ESRRG: variants seen among roughly 807,000 people sequenced by gnomAD.
ESRRG encodes the protein estrogen-related receptor gamma.
Under a neutral mutation model 44.0 loss-of-function variants are expected in ESRRG, and 13 were observed. The observed-to-expected ratio is 0.30, with a 90% CI of 0.19 to 0.47. ESRRG has a LOEUF of 0.47. ESRRG is among the 20% of genes least tolerant of loss of function. ESRRG has a pLI of 1.00. For missense variants in ESRRG, 395 were observed against 580.6 expected (o/e 0.68, Z 3.29); for synonymous variants, 215 against 214.6 (o/e 1.00, Z -0.02).
chr1:216,767,399 T>C (rs1173720868), intron 2 of ESRRG, among the ~76,000 whole-genome samples: 1 of 152,122 alleles, frequency 6.6e-6, no homozygotes, highest in Admixed American at 6.6e-5. Context: ...CATCTAGATA[T>C]GTTAACTGCA....
At chr1:216,846,936 A>C (rs1024787892) in intron 2 of ESRRG, among the ~76,000 whole-genome samples, 2 of 152,110 alleles carry the variant, frequency 1.3e-5, no homozygotes, top group Non-Finnish European at 2.9e-5. Context: ...AGTTTCCAGG[A>C]GTACTGCAAC....
In ESRRG at chr1:216,519,173, C is replaced by A; in HGVS notation, c.1111G>T (p.Ala371Ser). 6.2e-7 allele frequency: 1 copy of A among 1,613,704 alleles called. No individual in the cohort carries two copies. Among genetic ancestry groups the A allele is most frequent in the Non-Finnish European group, 8.5e-7 (1 of 1,179,790 alleles). Residue 371 changes from alanine to serine, a missense_variant, in exon 6 of 7, where the codon GCT becomes TCT. Ala to Ser is a moderately conservative substitution (Grantham distance 99). Coordinates refer to ENST00000408911, the MANE Select transcript of ESRRG (RefSeq NM_001438.4). The part of the protein sequence containing the change: ...LEKEEFVTLK[A>S]IALANSDSMH... Reference sequence around the variant, plus strand: ...CAACCTGAATTAGCAAGAGCTATAGCTTTGAGGGTGACAAATTCTTCTTTT... The same window carrying A: ...CAACCTGAATTAGCAAGAGCTATAGATTTGAGGGTGACAAATTCTTCTTTT...
intron 2 of ESRRG, among the ~76,000 whole-genome samples, chr1:216,653,684 C>T (rs11117644): frequency 0.41 from 63,061 of 151,972 alleles, 14,342 homozygotes; most frequent in Middle Eastern, 0.53. Flanking sequence ...CAGCAGAAAA[C>T]GATTTCTTGG....
chr1:216,756,990 GCCAGTATACAAGT>G (rs940384795), intron 2 of ESRRG, among the ~76,000 whole-genome samples: 2 of 151,934 alleles, frequency 1.3e-5, no homozygotes, highest in African/African-American at 4.8e-5. Context: ...GGTGGGAGAT[GCCAGTATACAAGT>G]CCTTCTAAAC....
rs1300512010 is a variant in ESRRG, at chr1:216,808,140, G to GT, written c.-13-130650dup. Among the ~76,000 whole-genome samples, 10 of 152,206 alleles carry GT rather than the reference G, an allele frequency of 6.6e-5. No individual in the cohort carries two copies. The South Asian group carries it at 2.1e-3, about 32-fold the overall frequency. On this transcript the variant is annotated intron_variant, in intron 2 of 7. Coordinates refer to the ESRRG transcript ENST00000359162. The stretch of plus-strand genomic sequence containing the variant: ...GAATTGAGACTCCTTTCAGGGAGGG[G>GT]TCTCTTTGATGGAATTTGGAGAAAC...
intron 5 of ESRRG, among the ~76,000 whole-genome samples, chr1:216,561,661 C>G (rs577347287): frequency 2.2e-3 from 342 of 152,202 alleles, no homozygotes; most frequent in Non-Finnish European, 4.0e-3. Context: ...TCAGAACACC[C>G]TCTCCTTCTA....
chr1:216,925,849 C>T (rs966053269), intron 2 of ESRRG, among the ~76,000 whole-genome samples: 2 of 151,968 alleles, frequency 1.3e-5, no homozygotes, highest in African/African-American at 4.8e-5. Flanking sequence ...ACTTGGGAGG[C>T]TGAGGCAGGA....
chr1:216,938,239 C>T (rs2064498914), intron 2 of ESRRG, among the ~76,000 whole-genome samples: 1 of 152,144 alleles, frequency 6.6e-6, no homozygotes, highest in African/African-American at 2.4e-5. Context: ...CAAATCATTG[C>T]CCCTTCCTGC....
intron 1 of ESRRG, among the ~76,000 whole-genome samples, chr1:216,963,667 A>C (rs1338325681): frequency 2.6e-5 from 4 of 152,220 alleles, no homozygotes; most frequent in Non-Finnish European, 4.4e-5. Flanking sequence ...TAAGCCACGC[A>C]GTGGTGTCCT....
chr1:216,512,881 T>C (rs1261904024), intron 6 of ESRRG, among the ~76,000 whole-genome samples: 1 of 152,114 alleles, frequency 6.6e-6, no homozygotes, highest in Non-Finnish European at 1.5e-5. Flanking sequence ...AAGAAGGCAA[T>C]GTTACCACTG....
chr1:216,560,593 A>G (rs1372065262), intron 5 of ESRRG, among the ~76,000 whole-genome samples: 3 of 152,170 alleles, frequency 2.0e-5, no homozygotes, highest in African/African-American at 7.2e-5. Flanking sequence ...TAATCAACCA[A>G]AAAGAACAAT....
chr1:217,112,107 C>T (rs1227646605), intron 1 of ESRRG, among the ~76,000 whole-genome samples: 2 of 152,118 alleles, frequency 1.3e-5, no homozygotes, highest in Non-Finnish European at 2.9e-5. Flanking sequence ...TAAGTATAGC[C>T]CTGCACCTGC....
At chr1:216,539,339 G>C (rs2051978172) in intron 5 of ESRRG, among the ~76,000 whole-genome samples, 1 of 151,856 alleles carries the variant, frequency 6.6e-6, no homozygotes, top group Non-Finnish European at 1.5e-5. Flanking sequence ...GCATGTCCCT[G>C]ACATCACTTG....
At chr1:216,516,782 T>A (rs1178814972) in intron 6 of ESRRG, among the ~76,000 whole-genome samples, 4 of 152,144 alleles carry the variant, frequency 2.6e-5, no homozygotes, top group Admixed American at 2.6e-4. Context: ...ACATTGGATC[T>A]AAGCAAGTTT....
At chr1:216,976,156 GA>G (rs955241915) in intron 1 of ESRRG, among the ~76,000 whole-genome samples, 1 of 151,730 alleles carries the variant, frequency 6.6e-6, no homozygotes, top group East Asian at 1.9e-4. Flanking sequence ...CAAAAAGTTT[GA>G]AAAAAATTGG....
chr1:216,541,608 AT>A (rs2052790208), intron 5 of ESRRG, among the ~76,000 whole-genome samples: 1 of 96,190 alleles, frequency 1.0e-5, no homozygotes, highest in African/African-American at 4.3e-5. Context: ...GTGTGTGTGT[AT>A]GTGATCAGCT....
At chr1:216,796,337 C>G (rs547142898) in intron 2 of ESRRG, among the ~76,000 whole-genome samples, 2 of 152,248 alleles carry the variant, frequency 1.3e-5, no homozygotes, top group East Asian at 3.9e-4. Context: ...GAGGACCCTG[C>G]TCTGGAGAAA....
chr1:217,123,596 C>T (rs1295252073), intron 1 of ESRRG, among the ~76,000 whole-genome samples: 1 of 152,134 alleles, frequency 6.6e-6, no homozygotes, highest in Non-Finnish European at 1.5e-5. Context: ...AGATCATGTC[C>T]TTCGCAGGGG....
At chr1:216,707,957 G>A (rs1268035995) in intron 1 of ESRRG, among the ~76,000 whole-genome samples, 1 of 152,068 alleles carries the variant, frequency 6.6e-6, no homozygotes, top group Non-Finnish European at 1.5e-5. Context: ...GTACATAATG[G>A]AGGATACTTA....
Sources: allele counts gnomAD v4.1 joint callset (sites outside exome capture counted in the v4.1 genomes callset), GRCh38; gene constraint gnomAD v4.1.1; transcripts MANE v1.5; gene names NCBI Gene and HGNC (gene_info 2026-07-23, HGNC 2026-07-21).